Variants in NEK1 observed in about 807,000 individuals in gnomAD.
NEK1 encodes serine/threonine-protein kinase Nek1.
In NEK1, 137 loss-of-function variants were observed where a neutral mutation model predicts 182.1. The ratio of observed to expected loss-of-function variants is 0.75; its 90% CI spans 0.65 to 0.87. The LOEUF is 0.87. Among genes scored for constraint, NEK1 ranks in the 40% least tolerant of loss-of-function variants. The probability of loss-of-function intolerance (pLI) is 0.00; values close to 1 mark genes in which losing one functional copy is unlikely to be tolerated. For synonymous variants in NEK1, 513 were observed against 492.2 expected (o/e 1.04, Z -0.56); for missense variants, 1,391 against 1,494.4 (o/e 0.93, Z 1.14).
chr4:169,561,778 C>G, intron 14 of NEK1, 41 bp from the exon 15 acceptor site: 1 of 1,598,698 alleles, frequency 6.3e-7, no homozygotes, highest in South Asian at 1.1e-5. Context: ...AACTCTTGAA[C>G]CTATTATCAC....
In NEK1 at chr4:169,555,849, C is replaced by T. The variant is rs1319456551; in HGVS notation, c.1433G>A (p.Gly478Glu). Residue 478 changes from glycine (G) to glutamate (E), a missense_variant and splice_region_variant, in exon 18 of 36, where the codon GGA becomes GAA. This residue lies in a region of NEK1 where 1,216 missense variants were observed against 1,277.6 expected (regional missense o/e 0.95). Transcript: ENST00000507142. ...TCCTGGACGAACTCCAGGCAGAATTCCTCTGTAGATAAATATGCACAGTGA... is the reference window on the plus strand; with the variant it reads ...TCCTGGACGAACTCCAGGCAGAATTTCTCTGTAGATAAATATGCACAGTGA... The part of the protein sequence containing the change: ...EIYGRGLPER[G>E]ILPGVRPGFP... 10 of 1,613,920 alleles carry T rather than the reference C, an allele frequency of 6.2e-6. No homozygotes were observed. In the South Asian group the frequency reaches 6.6e-5, roughly 11 times the overall value.
chr4:169,511,615 C>A (rs967571508), intron 19 of NEK1, among the ~76,000 whole-genome samples: 4 of 152,086 alleles, frequency 2.6e-5, no homozygotes, highest in South Asian at 2.1e-4. Flanking sequence ...CTACATTACA[C>A]CATCAAAACC....
chr4:169,491,399 T>C (rs1003154567), intron 23 of NEK1, among the ~76,000 whole-genome samples: 5 of 152,108 alleles, frequency 3.3e-5, no homozygotes, highest in Admixed American at 1.3e-4. Context: ...GGCTCGCCAT[T>C]AGACTATCAG....
In NEK1 at chr4:169,595,584, A is replaced by G. The variant is rs867805616; in HGVS notation, c.312+3516T>C. Among the ~76,000 whole-genome samples, 4 of 152,282 alleles carry G rather than the reference A, an allele frequency of 2.6e-5. No individual in the cohort carries two copies. The South Asian group carries it at 8.3e-4, about 32-fold the overall frequency. On this transcript the variant is annotated intron_variant, in intron 5 of 35. Transcript: ENST00000507142. ...CCATACCTGGAGTGCCTTATTTGAG[A>G]TGATTTTCATGTAATCAGTTATGAC...
chr4:169,395,837 T>A (rs1730588729), intron 35 of NEK1, among the ~76,000 whole-genome samples: 2 of 152,158 alleles, frequency 1.3e-5, no homozygotes, highest in South Asian at 4.2e-4. Flanking sequence ...CCGCTCATGG[T>A]TTTTGCTTTT....
At chr4:169,420,385 G>A (rs1424502106) in intron 31 of NEK1, among the ~76,000 whole-genome samples, 1 of 152,088 alleles carries the variant, frequency 6.6e-6, no homozygotes. Context: ...ACACAAACCA[G>A]GCATGCAGTC....
rs1167084363 is a variant in NEK1, at chr4:169,406,591, C to G, written c.3374+5G>C. 1.3e-6 allele frequency: 2 copies of G among 1,582,730 alleles called. No individual in the cohort carries two copies. The highest frequency in any genetic ancestry group is 2.3e-5 in the East Asian group (1 of 44,306). On this transcript the variant is annotated splice_donor_5th_base_variant and intron_variant, in intron 32 of 35. Coordinates refer to ENST00000507142, the MANE Select transcript of NEK1 (RefSeq NM_001199397.3). ...AATGCTGTTTACTAATGACATTATA[C>G]TTACATGTCTTCAGAATCAGAAGGT...
At chr4:169,512,110 T>C (rs934506191) in intron 19 of NEK1, among the ~76,000 whole-genome samples, 1 of 152,150 alleles carries the variant, frequency 6.6e-6, no homozygotes, top group Non-Finnish European at 1.5e-5. Flanking sequence ...ACAACAAGTT[T>C]TCTTTTCTCT....
intron 22 of NEK1, 139 bp downstream of exon 22, chr4:169,507,576 C>A: frequency 2.0e-6 from 1 of 493,338 alleles, no homozygotes; most frequent in Non-Finnish European, 3.5e-6. Flanking sequence ...TTTTAGAAAC[C>A]AAAAAGTGGA....
chr4:169,471,217 T>A (rs1382905406), intron 26 of NEK1, among the ~76,000 whole-genome samples: 1 of 152,214 alleles, frequency 6.6e-6, no homozygotes, highest in Non-Finnish European at 1.5e-5. Flanking sequence ...GTTTTGGGAA[T>A]TTTCAGCCTT....
rs200825809 is a variant in NEK1, at chr4:169,602,542, T to G, written c.89A>C (p.Tyr30Ser). 1.9e-6 allele frequency: 3 copies of G among 1,599,976 alleles called. No individual in the cohort carries two copies. The highest frequency in any genetic ancestry group is 1.7e-4 in the Middle Eastern group (1 of 6,018). ...TGAGATGTTAATTTCCTTGATAACATACTGTCTGCCATCTTCTGTAGATTT... is the reference window on the plus strand; with the variant it reads ...TGAGATGTTAATTTCCTTGATAACAGACTGTCTGCCATCTTCTGTAGATTT... ...LVKSTEDGRQYVIKEINISRM... is the reference protein window; with the variant it reads ...LVKSTEDGRQSVIKEINISRM... The change falls in exon 3 of 36, where the codon TAT becomes TCT. Residue 30 changes from tyrosine to serine, a missense_variant. Around this residue, in one of 5 missense-constraint regions of NEK1, gnomAD observed 42 missense variants for 47.9 expected, o/e 0.88. Coordinates refer to ENST00000507142, the MANE Select transcript of NEK1 (RefSeq NM_001199397.3).
chr4:169,578,578 GAAAC>G (rs1416748321), intron 11 of NEK1, among the ~76,000 whole-genome samples: 10 of 152,024 alleles, frequency 6.6e-5, no homozygotes, highest in African/African-American at 2.4e-4. Context: ...TAAATTAAAA[GAAAC>G]AAAACTTCTA....
chr4:169,505,214 T>C lies in NEK1; in HGVS notation c.2007+1823A>G, dbSNP rs530429956. On this transcript the variant is annotated intron_variant, in intron 23 of 35. Coordinates refer to ENST00000507142, the MANE Select transcript of NEK1 (RefSeq NM_001199397.3). Reference sequence around the variant, plus strand: ...AAGTTGTAAGGATTAAAAAAAACAATAAATATACAGTTAATCCTTGAACAA... The same window carrying C: ...AAGTTGTAAGGATTAAAAAAAACAACAAATATACAGTTAATCCTTGAACAA... Among the ~76,000 whole-genome samples the C allele has an allele frequency of 2.6e-5, 4 of 152,088 alleles. No homozygotes were observed. In the East Asian group the frequency reaches 7.7e-4, roughly 29 times the overall value.
chr4:169,461,032 T>C (rs1172081950), intron 27 of NEK1, among the ~76,000 whole-genome samples: 3 of 152,248 alleles, frequency 2.0e-5, no homozygotes, highest in African/African-American at 4.8e-5. Flanking sequence ...GGATCTTTTA[T>C]GTTTCTCATT....
chr4:169,433,369 A>G (rs1014790299), intron 29 of NEK1, among the ~76,000 whole-genome samples, 176 bp downstream of exon 29: 1 of 152,174 alleles, frequency 6.6e-6, no homozygotes, highest in Non-Finnish European at 1.5e-5. Flanking sequence ...CTCTTCAAAT[A>G]TTTTATATAC....
At chr4:169,445,861 TATATACAC>T (rs1317665170) in intron 27 of NEK1, among the ~76,000 whole-genome samples, 2 of 132,200 alleles carry the variant, frequency 1.5e-5, no homozygotes, top group African/African-American at 5.8e-5. Context: ...TATATATATA[TATATACAC>T]ACACACACAC....
At chr4:169,503,358 T>TA (rs199797820) in intron 23 of NEK1, among the ~76,000 whole-genome samples, 1,992 of 151,854 alleles carry the variant, frequency 0.013, 38 homozygotes, top group African/African-American at 0.045. Flanking sequence ...TATTTTTTTG[T>TA]AAAAAATAAA....
rs561664155 is a variant in NEK1, at chr4:169,494,384, G to A, written c.2007+12653C>T. Among the ~76,000 whole-genome samples the A allele has an allele frequency of 3.4e-4, 52 of 152,274 alleles. No individual in the cohort carries two copies. The South Asian group carries it at 7.7e-3, about 22-fold the overall frequency. The stretch of plus-strand genomic sequence containing the variant: ...GTCCTTGTGATAGTTTGCTGAGAAT[G>A]ATGGTTTCCAGCTTCATCCATGCCC... On this transcript the variant is annotated intron_variant, in intron 23 of 35. Transcript: ENST00000507142.
intron 27 of NEK1, among the ~76,000 whole-genome samples, chr4:169,445,012 C>T (rs149711682): frequency 1.8e-4 from 27 of 152,072 alleles, no homozygotes; most frequent in African/African-American, 4.1e-4. Flanking sequence ...ATTGAGTCAA[C>T]GAAGAAATTA....
Sources: allele counts gnomAD v4.1 joint callset (sites outside exome capture counted in the v4.1 genomes callset), GRCh38; gene constraint gnomAD v4.1.1; regional missense constraint gnomAD v4.1.1; transcripts MANE v1.5; gene names NCBI Gene and HGNC (gene_info 2026-07-23, HGNC 2026-07-21).